The following WNT3A variants were observed in gnomAD, a reference collection of about 807,000 sequenced individuals.
The protein encoded by WNT3A is protein Wnt-3a.
In WNT3A, 17 loss-of-function variants were observed where a neutral mutation model predicts 37.0. The ratio of observed to expected loss-of-function variants is 0.46; its 90% confidence interval spans 0.31 to 0.69. The LOEUF is 0.69. Among genes scored for constraint, WNT3A ranks in the 30% least tolerant of loss-of-function variants. The probability of loss-of-function intolerance (pLI) is 0.05; values close to 1 mark genes in which losing one functional copy is unlikely to be tolerated. For missense variants in WNT3A, 411 were observed against 510.2 expected (o/e 0.81, Z 1.87); for synonymous variants, 187 against 211.0 (o/e 0.89, Z 0.99).
chr1:228,014,090 C>G (rs1194127573), intron 1 of WNT3A, among the ~76,000 whole-genome samples: 2 of 152,182 alleles, frequency 1.3e-5, no homozygotes, highest in Non-Finnish European at 2.9e-5. Context: ...AGGGGTGGCC[C>G]TGGCAGGTCC....
chr1:228,011,582 GTC>G (rs1255720692), intron 1 of WNT3A, among the ~76,000 whole-genome samples: 1 of 151,954 alleles, frequency 6.6e-6, no homozygotes, highest in Non-Finnish European at 1.5e-5. Context: ...ATCTCTCTGT[GTC>G]TGTCTCTCTC....
chr1:228,013,313 C>A (rs944864361), intron 1 of WNT3A, among the ~76,000 whole-genome samples: 1 of 152,198 alleles, frequency 6.6e-6, no homozygotes, highest in Admixed American at 6.5e-5. Flanking sequence ...CTGGTTACAG[C>A]CCTGAGGCTG....
At chr1:228,029,352 G>GT (rs1276993957) in intron 2 of WNT3A, among the ~76,000 whole-genome samples, 1 of 152,218 alleles carries the variant, frequency 6.6e-6, no homozygotes, top group Non-Finnish European at 1.5e-5. Context: ...AGGGCGGAAT[G>GT]TGCATAGTAC....
Position 228,038,470 on chromosome 1 carries a change from G to T in WNT3A, c.314-12186G>T, listed in dbSNP as rs1353542964. ...TTGCTTGTCCTTTTTCAGGGGCGAT[G>T]GTCCCCAGATGACATGACATTTGGG... On this transcript the variant is annotated intron_variant, in intron 2 of 3. Coordinates refer to ENST00000284523, the MANE Select transcript of WNT3A (RefSeq NM_033131.4). The surrounding 1 kb of genome is among the most constrained non-coding windows in gnomAD (Gnocchi z 5.7). Among the ~76,000 whole-genome samples the T allele has an allele frequency of 6.6e-6, 1 of 152,200 alleles. No individual in the cohort carries two copies. Among genetic ancestry groups the T allele is most frequent in the Non-Finnish European group, 1.5e-5 (1 of 68,022 alleles).
chr1:228,009,116 C>G (rs1448190137), intron 1 of WNT3A, among the ~76,000 whole-genome samples: 2 of 152,100 alleles, frequency 1.3e-5, no homozygotes, highest in Non-Finnish European at 2.9e-5. Flanking sequence ...TCCCCCATCC[C>G]CACCACCACT....
intron 2 of WNT3A, among the ~76,000 whole-genome samples, chr1:228,028,325 A>T (rs2030906171): frequency 4.0e-5 from 5 of 125,142 alleles, no homozygotes; most frequent in Non-Finnish European, 3.2e-5. Context: ...ATGGAGTCTC[A>T]CTCTGTTGCC....
At chr1:228,047,229 G>A (rs900865488) in intron 2 of WNT3A, among the ~76,000 whole-genome samples, 4 of 152,166 alleles carry the variant, frequency 2.6e-5, no homozygotes, top group African/African-American at 9.7e-5. Context: ...ACTTGGACAG[G>A]GCCCTAGGGA....
intron 1 of WNT3A, among the ~76,000 whole-genome samples, chr1:228,020,153 G>T (rs1024710789): frequency 1.3e-5 from 2 of 152,206 alleles, no homozygotes; most frequent in Admixed American, 6.5e-5. Context: ...GAGCCAAGAG[G>T]GGGAGGTTGC....
intron 1 of WNT3A, among the ~76,000 whole-genome samples, chr1:228,012,553 A>T (rs1452108144): frequency 1.3e-5 from 2 of 152,158 alleles, no homozygotes; most frequent in East Asian, 3.9e-4. Flanking sequence ...AATGTGGACC[A>T]CTGCCTGTAG....
chr1:228,041,546 TCCATCCA>T (rs1314444897), intron 2 of WNT3A, among the ~76,000 whole-genome samples: 1 of 151,696 alleles, frequency 6.6e-6, no homozygotes, highest in Non-Finnish European at 1.5e-5. Context: ...CATCCATCCA[TCCATCCA>T]CCATCCATCA....
At position 228,050,642 on chromosome 1, in the gene WNT3A, T is replaced by C. The variant is rs2031524493; in HGVS notation, c.314-14T>C. ...CTGAGCCCTGTTAACCCTGCATCTC[T>C]CCTCTCTCTACAGCTACCAGGGAGT... is the stretch of plus-strand genomic sequence containing the variant. On this transcript the variant is annotated splice_polypyrimidine_tract_variant and intron_variant, in intron 2 of 3. Transcript: ENST00000284523. This position sits in a 1 kb window ranked among gnomAD's most constrained non-coding sequence, Gnocchi z 5.0. 2 of 1,581,224 alleles carry C rather than the reference T, an allele frequency of 1.3e-6. No individual in the cohort carries two copies. The highest frequency in any genetic ancestry group is 2.7e-5 in the African/African-American group (2 of 74,208).
rs757565394 is a variant in WNT3A, at chr1:228,022,845, C to G, written c.250C>G (p.Arg84Gly). The change falls in exon 2 of 4, where the codon CGC becomes GGC. Residue 84 changes from arginine (R) to glycine (G), a missense_variant. By Grantham distance (125) the Arg-to-Gly change is moderately radical. Transcript: ENST00000284523. ...IQECQHQFRG[R>G]RWNCTTVHDS... ...GGAGTGCCAGCACCAGTTCCGCGGCCGCCGGTGGAACTGCACCACCGTCCA... is the reference window on the plus strand; with the variant it reads ...GGAGTGCCAGCACCAGTTCCGCGGCGGCCGGTGGAACTGCACCACCGTCCA... The G allele has an allele frequency of 6.2e-7, 1 of 1,613,822 alleles. No homozygotes were observed. The highest frequency in any genetic ancestry group is 1.3e-5 in the African/African-American group (1 of 74,902).
chr1:228,028,278 T>C (rs980451677), intron 2 of WNT3A, among the ~76,000 whole-genome samples: 8 of 147,592 alleles, frequency 5.4e-5, no homozygotes, highest in African/African-American at 2.0e-4. Context: ...TGGGATCTTT[T>C]TTGGTTACAT....
At chr1:228,052,337 T>A (rs926185805) in intron 3 of WNT3A, among the ~76,000 whole-genome samples, 3 of 151,924 alleles carry the variant, frequency 2.0e-5, no homozygotes, top group Non-Finnish European at 4.4e-5. Context: ...GGAGATAGGG[T>A]TTCACCATGT....
At position 228,008,266 on chromosome 1, in the gene WNT3A, C is replaced by T. The variant is rs942359767; in HGVS notation, c.71+1067C>T. 1.3e-5 allele frequency among the ~76,000 whole-genome samples: 2 copies of T among 152,178 alleles called. No individual in the cohort carries two copies. The highest frequency in any genetic ancestry group is 4.8e-5 in the African/African-American group (2 of 41,452). ...AGTTGGAGAGAAGCCTCCCCACAAG[C>T]ATGCACACTCCCCCCCATCCTTCTC... On this transcript the variant is annotated intron_variant, in intron 1 of 3. Transcript: ENST00000284523. The surrounding 1 kb of genome is among the most constrained non-coding windows in gnomAD (Gnocchi z 4.9).
chr1:228,011,336 C>T (rs1571790322), intron 1 of WNT3A, among the ~76,000 whole-genome samples: 1 of 152,114 alleles, frequency 6.6e-6, no homozygotes. Flanking sequence ...ATGGTTGCCA[C>T]TCCCAGAGTC....
chr1:228,052,335 G>A (rs2102780480), intron 3 of WNT3A, among the ~76,000 whole-genome samples: 1 of 152,070 alleles, frequency 6.6e-6, no homozygotes, highest in South Asian at 2.1e-4. Flanking sequence ...GTGGAGATAG[G>A]GTTTCACCAT....
rs35541403 is a variant in WNT3A, at chr1:228,049,510, C to T, written c.314-1146C>T. ...TTGCTTACAAGTCTTTGCACAGACA[C>T]GGGTTTCCTCTGGGGCAAACCTAAC... On this transcript the variant is annotated intron_variant, in intron 2 of 3. Transcript: ENST00000284523. Among the ~76,000 whole-genome samples, 1,356 of 152,286 alleles carry T rather than the reference C, an allele frequency of 8.9e-3. 11 individuals carry two copies. The highest frequency in any genetic ancestry group is 0.014 in the Non-Finnish European group (954 of 68,030).
chr1:228,024,596 TTCTC>T (rs1558286967), intron 2 of WNT3A, among the ~76,000 whole-genome samples: 1 of 152,238 alleles, frequency 6.6e-6, no homozygotes, highest in Non-Finnish European at 1.5e-5. Flanking sequence ...TGGTGAATAT[TTCTC>T]TCTCATCGTG....
Sources: allele counts gnomAD v4.1 joint callset (sites outside exome capture counted in the v4.1 genomes callset), GRCh38; gene constraint gnomAD v4.1.1; non-coding constraint Gnocchi (gnomAD v3.1); transcripts MANE v1.5; gene names NCBI Gene and HGNC (gene_info 2026-07-23, HGNC 2026-07-21).